PI4KA: variants seen among roughly 807,000 people sequenced by gnomAD.
The protein encoded by PI4KA is phosphatidylinositol 4-kinase alpha.
A neutral mutation model predicts 271.4 loss-of-function variants in PI4KA; 122 were observed. The observed-to-expected ratio is 0.45, with a 90% confidence interval of 0.39 to 0.52. PI4KA has a LOEUF of 0.52. Among genes scored for constraint, PI4KA ranks in the 20% least tolerant of loss-of-function variants. The pLI is 0.00. For missense variants in PI4KA, 1,969 were observed against 2,769.1 expected, an observed-to-expected ratio of 0.71 and a Z score of 6.48; for synonymous variants, 1,041 against 1,078.8, an observed-to-expected ratio of 0.96 and a Z score of 0.69.
rs546650842 is a variant in PI4KA at position 20,735,397 on chromosome 22, C to T, written c.3742-844G>A. 2.7e-5 allele frequency among the ~76,000 whole-genome samples: 4 copies of T among 145,606 alleles called. No individual in the cohort carries two copies. The South Asian group carries it at 9.0e-4, about 33-fold the overall frequency. On this transcript the variant is annotated intron_variant, in intron 32 of 54. Coordinates refer to ENST00000255882, the MANE Select transcript of PI4KA (RefSeq NM_058004.4). ...CGAGGCCTAGTGAGTAGAACACACA[C>T]CGCGGCTCCCTCCCCAGTACCATCC... is the stretch of plus-strand genomic sequence containing the variant.
chr22:20,770,373 C>G lies in PI4KA; in HGVS notation c.2329-4680G>C, dbSNP rs371580607. Among the ~76,000 whole-genome samples, 16 of 151,758 alleles carry G rather than the reference C, an allele frequency of 1.1e-4. No individual in the cohort carries two copies. The South Asian group carries it at 2.9e-3, about 28-fold the overall frequency. ...ACTAAAAACACAAAAATTAGCCAGG[C>G]ATGATGGCAGGCGCCTGTAATCCCA... On this transcript the variant is annotated intron_variant, in intron 19 of 54. Transcript: ENST00000255882.
chr22:20,714,627 C>A lies in PI4KA; in HGVS notation c.5390+1G>T. On this transcript the variant is annotated splice_donor_variant, in intron 46 of 54. Coordinates refer to ENST00000255882, the MANE Select transcript of PI4KA (RefSeq NM_058004.4). LOFTEE classifies it high-confidence loss of function. ...GGGGATGGGTAGGGTGAGGCGCCCA[C>A]CTCTGCATCGGGGTCCCAGACTTGT... 1 of 1,614,012 alleles carries A rather than the reference C, an allele frequency of 6.2e-7. No individual in the cohort carries two copies. Among genetic ancestry groups the A allele is most frequent in the Non-Finnish European group, 8.5e-7 (1 of 1,179,870 alleles).
At chr22:20,823,741 C>A (rs1285783883) in intron 4 of PI4KA, among the ~76,000 whole-genome samples, 1 of 152,082 alleles carries the variant, frequency 6.6e-6, no homozygotes, top group Non-Finnish European at 1.5e-5. Flanking sequence ...GAGTTCAAGA[C>A]CAGCCTGGGC....
At chr22:20,799,885 C>A (rs986852015) in intron 14 of PI4KA, 119 bp from the exon 15 acceptor site, 4 of 624,552 alleles carry the variant, frequency 6.4e-6, no homozygotes, top group Non-Finnish European at 1.1e-5. Flanking sequence ...ATTTTCTTCC[C>A]CCCAAATTGG....
At chr22:20,857,388 CA>C (rs1927729908) in intron 1 of PI4KA, among the ~76,000 whole-genome samples, 1 of 152,186 alleles carries the variant, frequency 6.6e-6, no homozygotes, top group African/African-American at 2.4e-5. Context: ...CCGACAAGGC[CA>C]AGGACCAGGT....
chr22:20,783,896 C>G (rs761969789), intron 19 of PI4KA: 1 of 1,601,148 alleles, frequency 6.2e-7, no homozygotes, highest in Non-Finnish European at 8.6e-7. Flanking sequence ...CCAGGGAAAT[C>G]AGATTCACTC....
At chr22:20,846,788 A>G (rs1222666177) in intron 1 of PI4KA, among the ~76,000 whole-genome samples, 2 of 146,820 alleles carry the variant, frequency 1.4e-5, no homozygotes. Context: ...GATTGCAGTG[A>G]ACTGAGATCA....
At position 20,834,673 on chromosome 22, in the gene PI4KA, G is replaced by C. The variant is rs114850709; in HGVS notation, c.274-18C>G. The stretch of plus-strand genomic sequence containing the variant: ...TCTTTGTGCTAAAAAATAATAAGAA[G>C]AATAATAAATTAGATTTAATAAAAT... On this transcript the variant is annotated intron_variant, in intron 2 of 54. Coordinates refer to ENST00000255882, the MANE Select transcript of PI4KA (RefSeq NM_058004.4). 2.0e-6 allele frequency: 3 copies of C among 1,485,104 alleles called. No individual in the cohort carries two copies. Among genetic ancestry groups the C allele is most frequent in the Non-Finnish European group, 2.8e-6 (3 of 1,066,210 alleles). The allele number at this position is 1,485,104 out of a possible 1,614,324, so 92.0% of individuals were successfully genotyped here.
At position 20,713,347 on chromosome 22, in the gene PI4KA, C is replaced by A. The variant is rs1407836123; in HGVS notation, c.5505G>T (p.Gln1835His). The change falls in exon 48 of 55, where the codon CAG becomes CAT. Residue 1835 changes from glutamine (Q) to histidine (H), a missense_variant. By Grantham distance (24) the Gln-to-His change is conservative (BLOSUM62 0). This residue lies in a region of PI4KA where 388 missense variants were observed against 521.5 expected (regional missense o/e 0.74). Coordinates refer to ENST00000255882, the MANE Select transcript of PI4KA (RefSeq NM_058004.4). Reference protein sequence around the residue: ...RSDSEDECSTQEADGQKISWQ... With the variant: ...RSDSEDECSTHEADGQKISWQ... ...AGGAGATCTTCTGGCCGTCGGCCTC[C>A]TGCGTGCTGCACTCATCCTCGGAGT... 4 of 1,598,714 alleles carry A rather than the reference C, an allele frequency of 2.5e-6. No individual in the cohort carries two copies. Among genetic ancestry groups the A allele is most frequent in the Non-Finnish European group, 3.4e-6 (4 of 1,171,948 alleles).
intron 1 of PI4KA, among the ~76,000 whole-genome samples, chr22:20,839,314 T>C (rs1024046313): frequency 2.0e-5 from 3 of 152,038 alleles, no homozygotes; most frequent in Non-Finnish European, 4.4e-5. Flanking sequence ...TCACAGGACA[T>C]CTCCAGCTGC....
At chr22:20,836,162 A>G (rs1924844520) in intron 2 of PI4KA, among the ~76,000 whole-genome samples, 1 of 152,168 alleles carries the variant, frequency 6.6e-6, no homozygotes, top group South Asian at 2.1e-4. Context: ...CCTGGAACCT[A>G]GACACTATGC....
intron 23 of PI4KA, among the ~76,000 whole-genome samples, chr22:20,757,876 G>A (rs933065580): frequency 6.6e-5 from 10 of 152,062 alleles, no homozygotes; most frequent in African/African-American, 2.4e-4. Flanking sequence ...CTCAGGTCTT[G>A]TCTGAATAAT....
At position 20,831,544 on chromosome 22, in the gene PI4KA, A is replaced by G. The variant is rs529372321; in HGVS notation, c.367+3018T>C. Among the ~76,000 whole-genome samples the G allele has an allele frequency of 4.6e-5, 7 of 152,200 alleles. No individual in the cohort carries two copies. The East Asian group carries it at 1.3e-3, about 29-fold the overall frequency. On this transcript the variant is annotated intron_variant, in intron 3 of 54. Transcript: ENST00000255882. The stretch of plus-strand genomic sequence containing the variant: ...GATCGCACCACTGCACTCCAGCCTG[A>G]GTGATGGAGTGAGACTCTTTCTCAA...
intron 12 of PI4KA, among the ~76,000 whole-genome samples, chr22:20,804,066 G>T (rs1002666148): frequency 6.6e-6 from 1 of 152,330 alleles, no homozygotes; most frequent in South Asian, 2.1e-4. Context: ...CAACAACGGA[G>T]AACTGAAGCC....
intron 50 of PI4KA, 71 bp downstream of exon 50, chr22:20,712,415 G>A: frequency 6.3e-7 from 1 of 1,584,122 alleles, no homozygotes; most frequent in East Asian, 2.3e-5. Context: ...TGTGGGTGGA[G>A]GCTGGGTATG....
At chr22:20,779,612 A>G (rs1046617828) in intron 19 of PI4KA, 1 of 1,614,104 alleles carries the variant, frequency 6.2e-7, no homozygotes, top group African/African-American at 1.3e-5. Flanking sequence ...ACAGTCTGTC[A>G]GTTTCCCCGA....
chr22:20,759,870 T>C (rs1227225292), intron 23 of PI4KA, among the ~76,000 whole-genome samples: 1 of 152,098 alleles, frequency 6.6e-6, no homozygotes, highest in Admixed American at 6.6e-5. Context: ...CAGCCAATTT[T>C]TTTATTTTTA....
chr22:20,799,902 T>C, intron 14 of PI4KA, 136 bp from the exon 15 acceptor site: 1 of 601,620 alleles, frequency 1.7e-6, no homozygotes, highest in Non-Finnish European at 2.9e-6. Context: ...TTGGAGGTCA[T>C]AACACAGAAT....
chr22:20,729,555 C>T (rs1032438662), intron 38 of PI4KA, 49 bp from the exon 39 acceptor site: 2 of 1,550,142 alleles, frequency 1.3e-6, no homozygotes, highest in Non-Finnish European at 1.7e-6. Context: ...CTGTGAGTGC[C>T]CACACACTGC....
Sources: allele counts gnomAD v4.1 joint callset (sites outside exome capture counted in the v4.1 genomes callset), GRCh38; gene constraint gnomAD v4.1.1; regional missense constraint gnomAD v4.1.1; transcripts MANE v1.5; gene names NCBI Gene and HGNC (gene_info 2026-07-23, HGNC 2026-07-21).